TGM1: variants seen among roughly 807,000 people sequenced by gnomAD.
TGM1 encodes protein-glutamine gamma-glutamyltransferase K.
In TGM1, 63 loss-of-function variants were observed where a neutral mutation model predicts 88.7. The ratio of observed to expected loss-of-function variants is 0.71; its 90% CI spans 0.58 to 0.88. TGM1 has a LOEUF of 0.88. Among genes scored for constraint, TGM1 ranks in the 40% least tolerant of loss-of-function variants. TGM1 has a pLI of 0.00. For synonymous variants in TGM1, 415 were observed against 431.1 expected, an observed-to-expected ratio of 0.96 and a Z score of 0.46; for missense variants, 996 against 1,118.0, an observed-to-expected ratio of 0.89 and a Z score of 1.56.
chr14:24,261,566 T>G, intron 3 of TGM1, 129 bp downstream of exon 3: 1 of 1,207,078 alleles, frequency 8.3e-7, no homozygotes, highest in Non-Finnish European at 1.2e-6. Flanking sequence ...CCCACACACT[T>G]GCACCTGCCT....
intron 14 of TGM1, among the ~76,000 whole-genome samples, chr14:24,251,002 G>A (rs938206999): frequency 1.3e-5 from 2 of 152,154 alleles, no homozygotes; most frequent in African/African-American, 4.8e-5. Flanking sequence ...ACCTGGTTCT[G>A]AGGGGTTTCC....
intron 4 of TGM1, 180 bp downstream of exon 4, chr14:24,260,269 TG>T: frequency 9.3e-7 from 1 of 1,071,328 alleles, no homozygotes; most frequent in Non-Finnish European, 1.4e-6. Context: ...GAGGTGTGGC[TG>T]GCTGTGTGAC....
chr14:24,252,890 C>T (rs1017183245), intron 14 of TGM1, among the ~76,000 whole-genome samples: 17 of 152,192 alleles, frequency 1.1e-4, no homozygotes, highest in African/African-American at 4.1e-4. Flanking sequence ...GCTTTCCCTC[C>T]GTGCTTTTCC....
chr14:24,255,061 T>C lies in TGM1; in HGVS notation c.1838A>G (p.His613Arg), dbSNP rs1401066350. 1 of 1,614,104 alleles carries C rather than the reference T, an allele frequency of 6.2e-7. No homozygotes were observed. The highest frequency in any genetic ancestry group is 2.2e-5 in the East Asian group (1 of 44,882). The change falls in exon 12 of 15, where the codon CAC becomes CGC. Residue 613 changes from histidine (H) to arginine (R), a missense_variant. His to Arg is a conservative substitution (Grantham distance 29). Coordinates refer to ENST00000206765, the MANE Select transcript of TGM1 (RefSeq NM_000359.3). This position sits in a 1 kb window ranked among gnomAD's most constrained non-coding sequence, Gnocchi z 4.0. Reference protein sequence around the residue: ...HSSSRRTVKLHLYLSVTFYTG... With the variant: ...HSSSRRTVKLRLYLSVTFYTG... ...ATAGAAAGTGACTGAGAGGTAGAGG[T>C]GCAGTTTCACTGTGCGGCGGCTGCT...
At chr14:24,261,583 G>A in intron 3 of TGM1, 112 bp downstream of exon 3, 1 of 1,337,930 alleles carries the variant, frequency 7.5e-7, no homozygotes, top group Non-Finnish European at 1.1e-6. Flanking sequence ...GCCTTATCTG[G>A]CAGAGGTGAG....
chr14:24,262,909 G>A (rs1594575322), intron 1 of TGM1, among the ~76,000 whole-genome samples, 180 bp downstream of exon 1: 1 of 152,210 alleles, frequency 6.6e-6, no homozygotes, highest in Non-Finnish European at 1.5e-5. Flanking sequence ...GGAGGGGTAG[G>A]GCATGGCAGG....
In TGM1 at chr14:24,255,522, G is replaced by A. The variant is rs201484627; in HGVS notation, c.1492-5C>T. 99 of 1,612,668 alleles carry A rather than the reference G, an allele frequency of 6.1e-5. No homozygotes were observed. Among genetic ancestry groups the A allele is most frequent in the Middle Eastern group, 5.8e-4 (3 of 5,156 alleles). On this transcript the variant is annotated splice_polypyrimidine_tract_variant and splice_region_variant and intron_variant, in intron 10 of 14. Coordinates refer to ENST00000206765, the MANE Select transcript of TGM1 (RefSeq NM_000359.3). The surrounding 1 kb of genome is among the most constrained non-coding windows in gnomAD (Gnocchi z 4.0). ...GTACACCTTGTCACTATTCACCTGT[G>A]GGGGGTGGGGGTGAGCAGGAATGAG...
Position 24,259,334 on chromosome 14 carries a change from G to A in TGM1, c.985-85C>T, listed in dbSNP as rs748902780. ...GGTCCATGGGGACCAGCCGGGCCCCGATCCTGCAACCACCCCTTACCCCTA... is the reference window on the plus strand; with the variant it reads ...GGTCCATGGGGACCAGCCGGGCCCCAATCCTGCAACCACCCCTTACCCCTA... On this transcript the variant is annotated intron_variant, in intron 6 of 14. Transcript: ENST00000206765. This position sits in a 1 kb window ranked among gnomAD's most constrained non-coding sequence, Gnocchi z 5.7. 9.0e-5 allele frequency: 122 copies of A among 1,350,036 alleles called. No individual in the cohort carries two copies. Among genetic ancestry groups the A allele is most frequent in the Non-Finnish European group, 1.2e-4 (112 of 966,772 alleles). The allele number at this position is 1,350,036 out of a possible 1,614,324, so 83.6% of individuals were successfully genotyped here.
In TGM1 at chr14:24,260,118, C is replaced by A. The variant is rs1274319630; in HGVS notation, c.758-60G>T. On this transcript the variant is annotated intron_variant, in intron 4 of 14. Coordinates refer to ENST00000206765, the MANE Select transcript of TGM1 (RefSeq NM_000359.3). Reference sequence around the variant, plus strand: ...CAGTTCTCTCCCTGGGCCTCACCTACTTCTGGCCAGTTCTGCAGGACTCAT... The same window carrying A: ...CAGTTCTCTCCCTGGGCCTCACCTAATTCTGGCCAGTTCTGCAGGACTCAT... The A allele has an allele frequency of 2.7e-6, 4 of 1,460,290 alleles. No homozygotes were observed. The East Asian group carries it at 9.1e-5, about 33-fold the overall frequency. The allele number at this position is 1,460,290 out of a possible 1,614,324, so 90.5% of individuals were successfully genotyped here.
In TGM1 at chr14:24,259,889, ACCCAC is replaced by A. The variant is rs781636236; in HGVS notation, c.876+46_876+50del. The A allele has an allele frequency of 6.2e-7, 1 of 1,607,614 alleles. No homozygotes were observed. Among genetic ancestry groups the A allele is most frequent in the Non-Finnish European group, 8.5e-7 (1 of 1,174,736 alleles). On this transcript the variant is annotated intron_variant, in intron 5 of 14. Transcript: ENST00000206765. This position sits in a 1 kb window ranked among gnomAD's most constrained non-coding sequence, Gnocchi z 5.7. ...CCTGCTCCAATACCCCAGCCCCCAC[ACCCAC>A]CCCAGCTCCTCTGGGTGTATGTGAC...
At chr14:24,258,724 G>A (rs762546943) in intron 7 of TGM1, 51 bp from the exon 8 acceptor site, 3 of 1,608,842 alleles carry the variant, frequency 1.9e-6, no homozygotes, top group Non-Finnish European at 2.6e-6. Context: ...GGGCAAGTGA[G>A]GCATCGTGTC....
chr14:24,255,541 G>A lies in TGM1; in HGVS notation c.1492-24C>T. The A allele has an allele frequency of 6.2e-7, 1 of 1,612,284 alleles. No individual in the cohort carries two copies. The highest frequency in any genetic ancestry group is 8.5e-7 in the Non-Finnish European group (1 of 1,179,986). ...ACCTGTGGGGGGTGGGGGTGAGCAGGAATGAGTGAGCCAGAGGGTCTGAGG... is the reference window on the plus strand; with the variant it reads ...ACCTGTGGGGGGTGGGGGTGAGCAGAAATGAGTGAGCCAGAGGGTCTGAGG... On this transcript the variant is annotated intron_variant, in intron 10 of 14. Coordinates refer to ENST00000206765, the MANE Select transcript of TGM1 (RefSeq NM_000359.3). This position sits in a 1 kb window ranked among gnomAD's most constrained non-coding sequence, Gnocchi z 4.0.
At position 24,260,694 on chromosome 14, in the gene TGM1, G is replaced by A. The variant is rs1331897854; in HGVS notation, c.513C>T (p.Asn171=). 2 of 1,614,078 alleles carry A rather than the reference G, an allele frequency of 1.2e-6. No homozygotes were observed. Among genetic ancestry groups the A allele is most frequent in the East Asian group, 2.2e-5 (1 of 44,880 alleles). ...DRITLELLIG[N]NPEVGKGTHV... ...GCGTGCCCTTGCCCACCTCGGGGTT[G>A]TTTCCTAGAGTAGGAAATCAGCAAT... The change falls in exon 4 of 15, where the codon AAC becomes AAT. Residue 171 remains asparagine, a synonymous_variant. Coordinates refer to ENST00000206765, the MANE Select transcript of TGM1 (RefSeq NM_000359.3).
chr14:24,258,968 G>A (rs140185388), intron 7 of TGM1, 107 bp downstream of exon 7: 597 of 1,333,810 alleles, frequency 4.5e-4, no homozygotes, highest in South Asian at 8.5e-4. Flanking sequence ...ACCCACCCCC[G>A]CCTGCACCCT....
At chr14:24,261,120 G>C (rs987175209) in intron 3 of TGM1, among the ~76,000 whole-genome samples, 2 of 152,188 alleles carry the variant, frequency 1.3e-5, no homozygotes, top group Non-Finnish European at 2.9e-5. Context: ...CCTGGTGGAG[G>C]TGGTAGGGGT....
At position 24,262,310 on chromosome 14, in the gene TGM1, T is replaced by A; in HGVS notation, c.43A>T (p.Asn15Tyr). The A allele has an allele frequency of 6.2e-7, 1 of 1,613,692 alleles. No homozygotes were observed. Among genetic ancestry groups the A allele is most frequent in the South Asian group, 1.1e-5 (1 of 91,086 alleles). Residue 15 changes from asparagine (N) to tyrosine (Y), a missense_variant, in exon 2 of 15, where the codon AAC becomes TAC. Physicochemically the swap from Asn to Tyr is moderately radical, Grantham distance 143. Coordinates refer to ENST00000206765, the MANE Select transcript of TGM1 (RefSeq NM_000359.3). ...GGCGTGGTAGGGGGCTGCAAGGGGTTGCCACCCCAACGGCCCACATCGGAA... is the reference window on the plus strand; with the variant it reads ...GGCGTGGTAGGGGGCTGCAAGGGGTAGCCACCCCAACGGCCCACATCGGAA... The part of the protein sequence containing the change: ...PRSDVGRWGG[N>Y]PLQPPTTPSP...
intron 9 of TGM1, among the ~76,000 whole-genome samples, chr14:24,257,648 A>G (rs1191350199): frequency 1.3e-5 from 2 of 152,234 alleles, no homozygotes; most frequent in Admixed American, 6.5e-5. Flanking sequence ...AGGTCACTCC[A>G]TCTCTCTGGC....
chr14:24,255,950 G>T lies in TGM1; in HGVS notation c.1491+39C>A. The T allele has an allele frequency of 1.3e-6, 2 of 1,508,674 alleles. No individual in the cohort carries two copies. Among genetic ancestry groups the T allele is most frequent in the South Asian group, 2.4e-5 (2 of 83,142 alleles). The allele number at this position is 1,508,674 out of a possible 1,614,324, so 93.5% of individuals were successfully genotyped here. A position where few individuals can be genotyped will look rare whatever the true frequency, so the allele number is the denominator to read the frequency against. Reference sequence around the variant, plus strand: ...GTGAAGTTGGGACCAGAGAACCCATGACTGAAGCCCAAGAAGGCACCTGGA... The same window carrying T: ...GTGAAGTTGGGACCAGAGAACCCATTACTGAAGCCCAAGAAGGCACCTGGA... On this transcript the variant is annotated intron_variant, in intron 10 of 14. Coordinates refer to ENST00000206765, the MANE Select transcript of TGM1 (RefSeq NM_000359.3). The surrounding 1 kb of genome is among the most constrained non-coding windows in gnomAD (Gnocchi z 4.0).
intron 14 of TGM1, among the ~76,000 whole-genome samples, chr14:24,250,680 G>A (rs41293950): frequency 2.0e-5 from 3 of 152,098 alleles, no homozygotes; most frequent in Non-Finnish European, 4.4e-5. Flanking sequence ...CCTCAGTGAC[G>A]GCTCCCCTGA....
Sources: gnomAD v4.1 joint callset for allele counts (sites outside exome capture counted in the v4.1 genomes callset) on GRCh38, gnomAD v4.1.1 for gene constraint, Gnocchi (gnomAD v3.1) non-coding constraint, MANE v1.5 for transcripts, NCBI Gene and HGNC (gene_info 2026-07-23, HGNC 2026-07-21) for gene names.